Variants in TRRAP observed in about 807,000 individuals in gnomAD.
The protein encoded by TRRAP is transformation/transcription domain-associated protein.
Under a neutral mutation model 438.8 loss-of-function variants are expected in TRRAP, and 41 were observed. The observed-to-expected ratio is 0.09, with a 90% CI of 0.07 to 0.12. TRRAP has a LOEUF of 0.12. TRRAP is among the 10% of genes least tolerant of loss of function. The pLI is 1.00. For synonymous variants in TRRAP, 1,994 were observed against 1,962.9 expected, an observed-to-expected ratio of 1.02 and a Z score of -0.42; for missense variants, 3,122 against 5,055.1, an observed-to-expected ratio of 0.62 and a Z score of 11.60.
At chr7:98,989,020 G>A in intron 63 of TRRAP, 54 bp downstream of exon 63, 2 of 1,562,478 alleles carry the variant, frequency 1.3e-6, no homozygotes, top group Non-Finnish European at 1.7e-6. Context: ...CTTCAGATTT[G>A]GACAGAAATT....
At position 98,900,663 on chromosome 7, in the gene TRRAP, C is replaced by T. The variant is rs781966222; in HGVS notation, c.840C>T (p.Phe280=). The change falls in exon 11 of 73, where the codon TTC becomes TTT. Residue 280 remains phenylalanine, a synonymous_variant. Coordinates refer to ENST00000456197, the MANE Select transcript of TRRAP (RefSeq NM_001375524.1). ...ACAACAAGGAGTTGTATGCTGACTT[C>T]ATTGCTGCTCAGATTAAAACATTGT... ...KLYNKELYAD[F]IAAQIKTLSF... 2 of 1,613,580 alleles carry T rather than the reference C, an allele frequency of 1.2e-6. No individual in the cohort carries two copies. Among genetic ancestry groups the T allele is most frequent in the Non-Finnish European group, 1.7e-6 (2 of 1,179,950 alleles).
intron 27 of TRRAP, among the ~76,000 whole-genome samples, chr7:98,935,055 A>C: frequency 6.6e-6 from 1 of 152,168 alleles, no homozygotes; most frequent in East Asian, 1.9e-4. Context: ...AGAAATATCT[A>C]CTTGTGTGGT....
rs369160328 is a variant in TRRAP, at chr7:99,011,954, G to A, written c.11338-117G>A. 173 of 1,345,716 alleles carry A rather than the reference G, an allele frequency of 1.3e-4. No individual in the cohort carries two copies. In the East Asian group the frequency reaches 2.7e-3, roughly 21 times the overall value. 83.4% of individuals were successfully genotyped at this position (1,345,716 alleles called of 1,614,324 possible). On this transcript the variant is annotated intron_variant, in intron 72 of 72. Transcript: ENST00000456197. The surrounding 1 kb of genome is among the most constrained non-coding windows in gnomAD (Gnocchi z 7.1). ...ACAGCCTGGCCTGGTGCTGAAACTC[G>A]ACTGGCCCTTGGTGGCCCTGAGCGG...
chr7:99,008,749 C>T (rs1794306513), intron 70 of TRRAP, among the ~76,000 whole-genome samples, 188 bp downstream of exon 70: 1 of 152,192 alleles, frequency 6.6e-6, no homozygotes, highest in Non-Finnish European at 1.5e-5. Flanking sequence ...GGTGAGAGGA[C>T]ACTTGTCGTG....
At chr7:98,955,798 GGGTATGTCTTAAACTTTTACAATGTCA>G (rs1278099162) in intron 41 of TRRAP, among the ~76,000 whole-genome samples, 1 of 152,178 alleles carries the variant, frequency 6.6e-6, no homozygotes, top group Non-Finnish European at 1.5e-5. Context: ...CTTTGCTTTT[GGGTATGTCTTAAACTTTTACAATGTCA>G]AGTTCTGAAG....
intron 67 of TRRAP, among the ~76,000 whole-genome samples, chr7:99,003,969 A>T (rs1346192004): frequency 2.6e-5 from 4 of 152,144 alleles, no homozygotes; most frequent in Non-Finnish European, 5.9e-5. Flanking sequence ...GCTACTCGGG[A>T]GGCTGAGGCA....
At chr7:98,889,519 A>G (rs1562926635) in intron 3 of TRRAP, among the ~76,000 whole-genome samples, 1 of 148,842 alleles carries the variant, frequency 6.7e-6, no homozygotes, top group African/African-American at 2.5e-5. Context: ...TTCATGCTGT[A>G]GTTTTATTTC....
Position 98,899,761 on chromosome 7 carries a change from A to G in TRRAP, c.794A>G (p.Gln265Arg). Residue 265 changes from glutamine to arginine, a missense_variant, in exon 10 of 73, where the codon CAA (glutamine) becomes CGA (arginine). Gln to Arg is a conservative substitution (Grantham distance 43). Transcript: ENST00000456197. The part of the protein sequence containing the change: ...MNTIAIQVSA[Q>R]ARQHKLYNKE... ...ACCATTGCCATTCAGGTGTCTGCAC[A>G]AGCGAGGTGAGGCGTCACTGTAGCC... The G allele has an allele frequency of 6.2e-7, 1 of 1,614,140 alleles. No homozygotes were observed. The highest frequency in any genetic ancestry group is 1.3e-5 in the African/African-American group (1 of 75,054).
At chr7:98,885,775 T>C (rs1584265013) in intron 3 of TRRAP, among the ~76,000 whole-genome samples, 1 of 152,184 alleles carries the variant, frequency 6.6e-6, no homozygotes, top group African/African-American at 2.4e-5. Flanking sequence ...GCAGGTTTGT[T>C]GGAGAGGCTG....
At chr7:98,999,098 C>T in intron 67 of TRRAP, 1 of 1,387,174 alleles carries the variant, frequency 7.2e-7, no homozygotes, top group Non-Finnish European at 9.9e-7. Context: ...GGCTCTTTGA[C>T]CTGGCCAGGA....
At chr7:98,914,718 CAAAAAAAAA>C (rs71118646) in intron 18 of TRRAP, among the ~76,000 whole-genome samples, 61 of 41,290 alleles carry the variant, frequency 1.5e-3, no homozygotes, top group Non-Finnish European at 2.5e-3. Flanking sequence ...GACCCTGTCT[CAAAAAAAAA>C]AAAAAAAAAA....
chr7:98,977,846 T>A (rs1792735864), intron 56 of TRRAP, among the ~76,000 whole-genome samples: 1 of 152,230 alleles, frequency 6.6e-6, no homozygotes, highest in Non-Finnish European at 1.5e-5. Context: ...CTCTCCTCCT[T>A]CCATTCTGTT....
chr7:98,917,965 T>C (rs1554409778), intron 20 of TRRAP, among the ~76,000 whole-genome samples: 2 of 151,520 alleles, frequency 1.3e-5, no homozygotes, highest in Non-Finnish European at 2.9e-5. Context: ...CTACAAAAAA[T>C]ACAAAAATTA....
At chr7:98,892,809 C>A (rs982690860) in intron 5 of TRRAP, among the ~76,000 whole-genome samples, 3 of 152,188 alleles carry the variant, frequency 2.0e-5, no homozygotes, top group African/African-American at 7.2e-5. Flanking sequence ...CCGCAGACGC[C>A]CAGTGAGTGG....
chr7:98,894,470 AAATT>A (rs1554405421), intron 6 of TRRAP, among the ~76,000 whole-genome samples: 1 of 150,210 alleles, frequency 6.7e-6, no homozygotes, highest in Non-Finnish European at 1.5e-5. Flanking sequence ...GGTAGAAATT[AAATT>A]ATTTATTAAA....
chr7:98,962,311 G>A lies in TRRAP; in HGVS notation c.6713G>A (p.Ser2238Asn), dbSNP rs1386593030. The change falls in exon 47 of 73, where the codon AGT becomes AAT. Residue 2238 changes from serine (S) to asparagine (N), a missense_variant. This residue lies in a region of TRRAP where 992 missense variants were observed against 1,281.2 expected (regional missense o/e 0.77). Coordinates refer to ENST00000456197, the MANE Select transcript of TRRAP (RefSeq NM_001375524.1). Reference sequence around the variant, plus strand: ...CCCTGCCCTGTTGTAGGTACTTCCAGTGTGGCCTCCAAATATGAAGAGCTG... The same window carrying A: ...CCCTGCCCTGTTGTAGGTACTTCCAATGTGGCCTCCAAATATGAAGAGCTG... ...SIFPTEPSTSSVASKYEELEC... is the reference protein window; with the variant it reads ...SIFPTEPSTSNVASKYEELEC... 1 of 1,614,192 alleles carries A rather than the reference G, an allele frequency of 6.2e-7. No homozygotes were observed. The highest frequency in any genetic ancestry group is 8.5e-7 in the Non-Finnish European group (1 of 1,180,028).
chr7:98,998,967 C>T (rs567696835), intron 67 of TRRAP: 8 of 598,220 alleles, frequency 1.3e-5, no homozygotes, highest in East Asian at 2.7e-5. Context: ...AGCAGATGCC[C>T]GTGGTACAGC....
intron 44 of TRRAP, among the ~76,000 whole-genome samples, chr7:98,958,990 C>G (rs763423108): frequency 1.3e-5 from 2 of 152,004 alleles, no homozygotes; most frequent in African/African-American, 2.4e-5. Flanking sequence ...GTATATCTTA[C>G]AGTTCTGTTG....
chr7:98,977,381 C>G (rs532404504), intron 56 of TRRAP, among the ~76,000 whole-genome samples: 1 of 152,154 alleles, frequency 6.6e-6, no homozygotes, highest in Non-Finnish European at 1.5e-5. Context: ...GTGCTGGTCT[C>G]GAACTCCTGA....
Sources: allele counts gnomAD v4.1 joint callset (sites outside exome capture counted in the v4.1 genomes callset), GRCh38; gene constraint gnomAD v4.1.1; regional missense constraint gnomAD v4.1.1; non-coding constraint Gnocchi (gnomAD v3.1); transcripts MANE v1.5; gene names NCBI Gene and HGNC (gene_info 2026-07-23, HGNC 2026-07-21).